Variants in MPPED2 observed in about 807,000 individuals in gnomAD.
MPPED2 encodes metallophosphoesterase domain containing 2.
A neutral mutation model predicts 33.0 loss-of-function variants in MPPED2; 5 were observed. The observed-to-expected ratio is 0.15, with a 90% CI of 0.08 to 0.32. The LOEUF (loss-of-function observed/expected upper bound fraction) is 0.32, where lower values mean the gene tolerates loss of function less well. Ranked by LOEUF, MPPED2 falls within the 10% of genes least tolerant of loss-of-function variation. MPPED2 has a pLI of 1.00. For synonymous variants in MPPED2, 136 were observed against 141.9 expected (o/e 0.96, Z 0.29); for missense variants, 275 against 372.1 (o/e 0.74, Z 2.15).
intron 4 of MPPED2, among the ~76,000 whole-genome samples, chr11:30,447,390 C>T (rs1483853293): frequency 6.6e-6 from 1 of 152,204 alleles, no homozygotes; most frequent in Non-Finnish European, 1.5e-5. Flanking sequence ...CCTAATTAAT[C>T]AATCTGTCAG....
intron 3 of MPPED2, among the ~76,000 whole-genome samples, chr11:30,517,522 G>C (rs1953600123): frequency 6.6e-6 from 1 of 152,148 alleles, no homozygotes; most frequent in Non-Finnish European, 1.5e-5. Context: ...CTATATATTT[G>C]ATGAACCAAT....
At chr11:30,439,057 G>C (rs1406953380) in intron 4 of MPPED2, among the ~76,000 whole-genome samples, 5 of 152,126 alleles carry the variant, frequency 3.3e-5, no homozygotes, top group Non-Finnish European at 5.9e-5. Context: ...AGAAAGATGT[G>C]GAATTTGGTG....
chr11:30,485,823 C>G (rs1565115130), intron 4 of MPPED2, among the ~76,000 whole-genome samples: 1 of 152,162 alleles, frequency 6.6e-6, no homozygotes, highest in South Asian at 2.1e-4. Flanking sequence ...TAGATGAACC[C>G]TTGAGAGGGT....
intron 4 of MPPED2, among the ~76,000 whole-genome samples, chr11:30,441,097 C>A (rs1487234734): frequency 1.3e-5 from 2 of 152,138 alleles, no homozygotes; most frequent in Non-Finnish European, 2.9e-5. Context: ...TAGTGGTCTT[C>A]AGAACACTCT....
chr11:30,579,060 A>T (rs1957051258), intron 2 of MPPED2, among the ~76,000 whole-genome samples: 1 of 151,132 alleles, frequency 6.6e-6, no homozygotes, highest in African/African-American at 2.4e-5. Context: ...GCTTTGCAGA[A>T]ATCTCATCAT....
chr11:30,400,934 A>AT, intron 6 of MPPED2, among the ~76,000 whole-genome samples: 1 of 152,036 alleles, frequency 6.6e-6, no homozygotes, highest in African/African-American at 2.4e-5. Flanking sequence ...CCCTCAGCTA[A>AT]TTTTTTTGAT....
intron 3 of MPPED2, among the ~76,000 whole-genome samples, chr11:30,498,708 A>T (rs1952415416): frequency 6.6e-6 from 1 of 152,216 alleles, no homozygotes; most frequent in East Asian, 1.9e-4. Flanking sequence ...ACTTTTAAGA[A>T]TGCATTGTTT....
intron 4 of MPPED2, among the ~76,000 whole-genome samples, chr11:30,427,405 G>A (rs538976906): frequency 2.0e-5 from 3 of 152,146 alleles, no homozygotes; most frequent in Non-Finnish European, 4.4e-5. Flanking sequence ...ATTATCAAGG[G>A]GATATACAGT....
At chr11:30,543,010 T>C (rs942020446) in intron 2 of MPPED2, among the ~76,000 whole-genome samples, 1 of 152,216 alleles carries the variant, frequency 6.6e-6, no homozygotes, top group Admixed American at 6.5e-5. Flanking sequence ...ATCCAAGTTT[T>C]AGTGCTCTCT....
At chr11:30,538,386 A>G (rs1218227652) in intron 2 of MPPED2, among the ~76,000 whole-genome samples, 1 of 152,176 alleles carries the variant, frequency 6.6e-6, no homozygotes. Context: ...GCACAGATGT[A>G]AACCTCTTGT....
At chr11:30,436,802 G>A (rs1445980299) in intron 4 of MPPED2, among the ~76,000 whole-genome samples, 1 of 152,226 alleles carries the variant, frequency 6.6e-6, no homozygotes, top group Non-Finnish European at 1.5e-5. Flanking sequence ...TTTAGGTCTA[G>A]CTGAGTAATG....
chr11:30,504,352 A>G (rs1254950233), intron 3 of MPPED2, among the ~76,000 whole-genome samples: 1 of 152,214 alleles, frequency 6.6e-6, no homozygotes, highest in Non-Finnish European at 1.5e-5. Context: ...ACCAACTGCT[A>G]GGAGCATGGA....
intron 3 of MPPED2, among the ~76,000 whole-genome samples, chr11:30,515,332 G>C (rs1363995247): frequency 2.6e-5 from 4 of 152,148 alleles, no homozygotes; most frequent in African/African-American, 9.7e-5. Flanking sequence ...CACTGGCTGT[G>C]AGAGAACCAG....
Position 30,585,208 on chromosome 11 carries a change from C to T in MPPED2, c.-122+834G>A, listed in dbSNP as rs554692443. ...ACTCCTGCCTCTGTAGAGAAGAAAT[C>T]CGGCGGCAACGGTTACTTTTCCTCG... is the stretch of plus-strand genomic sequence containing the variant. On this transcript the variant is annotated intron_variant, in intron 1 of 6. Transcript: ENST00000358117. Among the ~76,000 whole-genome samples, 451 of 152,266 alleles carry T rather than the reference C, an allele frequency of 3.0e-3. 1 individual carries two copies. Among genetic ancestry groups the T allele is most frequent in the Middle Eastern group, 0.01 (3 of 294 alleles).
intron 6 of MPPED2, among the ~76,000 whole-genome samples, chr11:30,398,323 T>A (rs748123127): frequency 7.2e-5 from 11 of 152,158 alleles, no homozygotes; most frequent in Non-Finnish European, 1.3e-4. Context: ...ATTAACACAC[T>A]ACTCTGACCC....
At chr11:30,582,275 T>A (rs1957202638) in intron 1 of MPPED2, among the ~76,000 whole-genome samples, 1 of 152,126 alleles carries the variant, frequency 6.6e-6, no homozygotes, top group African/African-American at 2.4e-5. Context: ...GAAAACATCT[T>A]CCTGTTATAG....
At chr11:30,403,507 CAT>C (rs763414471) in intron 6 of MPPED2, among the ~76,000 whole-genome samples, 1 of 152,196 alleles carries the variant, frequency 6.6e-6, no homozygotes, top group Non-Finnish European at 1.5e-5. Context: ...TTCCAAGTTA[CAT>C]GTTTCAGCTG....
chr11:30,516,714 C>A (rs11031121), intron 3 of MPPED2, among the ~76,000 whole-genome samples: 1 of 152,060 alleles, frequency 6.6e-6, no homozygotes, highest in Non-Finnish European at 1.5e-5. Context: ...TAGATAAGTG[C>A]TAATGCTGGA....
chr11:30,489,080 A>C (rs1951864985), intron 4 of MPPED2, among the ~76,000 whole-genome samples: 1 of 145,586 alleles, frequency 6.9e-6, no homozygotes, highest in African/African-American at 2.5e-5. Context: ...TAAGTTAATT[A>C]CAAAGTATGA....
Sources: gnomAD v4.1 joint callset for allele counts (sites outside exome capture counted in the v4.1 genomes callset) on GRCh38, gnomAD v4.1.1 for gene constraint, MANE v1.5 for transcripts, NCBI Gene and HGNC (gene_info 2026-07-23, HGNC 2026-07-21) for gene names.